Variants in NTN1 observed in about 807,000 individuals in gnomAD.
NTN1 encodes netrin 1, also known as netrin-1.
NTN1 carries 11 observed loss-of-function variants against 54.2 expected under a neutral mutation model. The ratio of observed to expected loss-of-function variants is 0.20; its 90% CI spans 0.13 to 0.34. The LOEUF (loss-of-function observed/expected upper bound fraction) is 0.34. Among genes scored for constraint, NTN1 ranks in the 10% least tolerant of loss-of-function variants. The pLI, the probability that NTN1 is intolerant of heterozygous loss-of-function variation, is 1.00. For missense variants in NTN1, 740 were observed against 893.1 expected (o/e 0.83, Z 2.18); for synonymous variants, 371 against 382.0 (o/e 0.97, Z 0.33).
At chr17:9,033,601 C>T (rs920591671) in intron 2 of NTN1, among the ~76,000 whole-genome samples, 11 of 116,922 alleles carry the variant, frequency 9.4e-5, no homozygotes, top group Admixed American at 3.7e-4. Flanking sequence ...GCGAGACTGC[C>T]GTCTCTACAA....
At chr17:9,163,292 C>T (rs899009093) in intron 3 of NTN1, among the ~76,000 whole-genome samples, 3 of 151,980 alleles carry the variant, frequency 2.0e-5, no homozygotes, top group Middle Eastern at 3.2e-3. Context: ...TGCAGGGCTG[C>T]GGCCGCCAAC....
intron 3 of NTN1, 24 bp from the exon 4 acceptor site, chr17:9,179,783 C>T: frequency 6.2e-7 from 1 of 1,608,918 alleles, no homozygotes; most frequent in Non-Finnish European, 8.5e-7. Flanking sequence ...CTTGTCTGAC[C>T]CTCCCATTTT....
chr17:9,106,759 C>T (rs1234564180), intron 2 of NTN1, among the ~76,000 whole-genome samples: 1 of 152,146 alleles, frequency 6.6e-6, no homozygotes, highest in Non-Finnish European at 1.5e-5. Flanking sequence ...AGGTGATCCA[C>T]CCGCCTTGGC....
chr17:9,130,730 C>T (rs2092262033), intron 2 of NTN1, among the ~76,000 whole-genome samples: 1 of 152,176 alleles, frequency 6.6e-6, no homozygotes, highest in African/African-American at 2.4e-5. Flanking sequence ...TGAACCCCTC[C>T]AGTGGTTTCT....
chr17:9,090,819 G>A (rs1177687166), intron 2 of NTN1, among the ~76,000 whole-genome samples: 2 of 152,168 alleles, frequency 1.3e-5, no homozygotes. Context: ...AGGGCCTTGA[G>A]GAGGCTTGGC....
chr17:9,163,662 C>G (rs1406888319), intron 3 of NTN1, among the ~76,000 whole-genome samples: 1 of 151,918 alleles, frequency 6.6e-6, no homozygotes, highest in Non-Finnish European at 1.5e-5. Context: ...CTGAAGCAAG[C>G]ACTAATGTTT....
intron 2 of NTN1, among the ~76,000 whole-genome samples, chr17:9,120,566 C>G (rs2092228992): frequency 6.6e-6 from 1 of 152,222 alleles, no homozygotes; most frequent in Non-Finnish European, 1.5e-5. Flanking sequence ...TTGATTTCCC[C>G]CAAGTCCCTA....
chr17:9,203,504 A>G (rs1255678106), intron 5 of NTN1, among the ~76,000 whole-genome samples: 1 of 152,144 alleles, frequency 6.6e-6, no homozygotes, highest in East Asian at 1.9e-4. Context: ...TCTCATATCA[A>G]GAACTGAGGA....
At chr17:9,098,142 C>T (rs953037733) in intron 2 of NTN1, among the ~76,000 whole-genome samples, 4 of 152,206 alleles carry the variant, frequency 2.6e-5, no homozygotes, top group Non-Finnish European at 5.9e-5. Flanking sequence ...CACCTGGCAT[C>T]GTTTACTTCC....
chr17:9,133,861 A>C (rs1439697801), intron 2 of NTN1, among the ~76,000 whole-genome samples: 5 of 145,518 alleles, frequency 3.4e-5, no homozygotes, highest in African/African-American at 1.3e-4. Flanking sequence ...TGGCCTCCCA[A>C]AGTGCTGAGA....
At chr17:9,005,601 C>A in the NTN1 span, among the ~76,000 whole-genome samples, 1 of 152,210 alleles carries the variant, frequency 6.6e-6, no homozygotes, top group East Asian at 1.9e-4. Context: ...AAATCAGGTT[C>A]TTTACCTAGC....
rs1195436269 is a variant in NTN1, at chr17:9,212,564, G to A, written c.1412-8604G>A. Among the ~76,000 whole-genome samples the A allele has an allele frequency of 6.6e-6, 1 of 152,184 alleles. No homozygotes were observed. The highest frequency in any genetic ancestry group is 2.4e-5 in the African/African-American group (1 of 41,442). On this transcript the variant is annotated intron_variant, in intron 5 of 6. Coordinates refer to ENST00000173229, the MANE Select transcript of NTN1 (RefSeq NM_004822.3). The surrounding 1 kb of genome is among the most constrained non-coding windows in gnomAD (Gnocchi z 5.5). Reference sequence around the variant, plus strand: ...CCAGCCGAAATGGACAGAGCTGGCTGGGTGCCCCTGTTAGCCCCAGCCTTT... The same window carrying A: ...CCAGCCGAAATGGACAGAGCTGGCTAGGTGCCCCTGTTAGCCCCAGCCTTT...
chr17:9,131,683 C>G (rs924340683), intron 2 of NTN1, among the ~76,000 whole-genome samples: 1 of 151,634 alleles, frequency 6.6e-6, no homozygotes, highest in East Asian at 1.9e-4. Context: ...TGGGCTCAAG[C>G]GATTCTTCTG....
intron 2 of NTN1, among the ~76,000 whole-genome samples, chr17:9,108,792 C>T (rs112464989): frequency 6.6e-6 from 1 of 152,304 alleles, no homozygotes; most frequent in African/African-American, 2.4e-5. Context: ...CTTATCTGCC[C>T]ACTCTCTAGG....
chr17:9,221,117 A>C lies in NTN1; in HGVS notation c.1412-51A>C. On this transcript the variant is annotated intron_variant, in intron 5 of 6. Transcript: ENST00000173229. This position sits in a 1 kb window ranked among gnomAD's most constrained non-coding sequence, Gnocchi z 4.5. The stretch of plus-strand genomic sequence containing the variant: ...TCCTACTCTGCCCGCCAGCCTATTC[A>C]TCGCCAGCCTAATTAGTTTTTGTCT... 1.8e-5 allele frequency: 22 copies of C among 1,226,296 alleles called. No homozygotes were observed. Among genetic ancestry groups the C allele is most frequent in the African/African-American group, 3.0e-5 (2 of 66,070 alleles). 76.0% of individuals were successfully genotyped at this position (1,226,296 alleles called of 1,614,324 possible).
chr17:9,061,490 A>G (rs141604251), intron 2 of NTN1, among the ~76,000 whole-genome samples: 1 of 152,214 alleles, frequency 6.6e-6, no homozygotes, highest in African/African-American at 2.4e-5. Context: ...GTTTATCTAG[A>G]CAAGTGGTTG....
At chr17:9,066,601 C>G (rs1224980830) in intron 2 of NTN1, among the ~76,000 whole-genome samples, 2 of 152,048 alleles carry the variant, frequency 1.3e-5, no homozygotes, top group African/African-American at 4.8e-5. Flanking sequence ...GCACTCCAGC[C>G]TGGGCGACAG....
chr17:9,071,729 G>A (rs1175388090), intron 2 of NTN1, among the ~76,000 whole-genome samples: 1 of 152,196 alleles, frequency 6.6e-6, no homozygotes, highest in Non-Finnish European at 1.5e-5. Context: ...AGCTTGTCAA[G>A]TGGTGGCCGA....
chr17:9,080,162 C>G (rs1160479530), intron 2 of NTN1, among the ~76,000 whole-genome samples: 1 of 152,270 alleles, frequency 6.6e-6, no homozygotes, highest in Non-Finnish European at 1.5e-5. Flanking sequence ...GTGTCTTCAG[C>G]ACATCGTTGA....
Sources: allele counts gnomAD v4.1 joint callset (sites outside exome capture counted in the v4.1 genomes callset), GRCh38; gene constraint gnomAD v4.1.1; non-coding constraint Gnocchi (gnomAD v3.1); transcripts MANE v1.5; gene names NCBI Gene and HGNC (gene_info 2026-07-23, HGNC 2026-07-21).